Variants in DGKB observed in about 807,000 individuals in gnomAD.
DGKB encodes the protein 90 kDa diacylglycerol kinase.
DGKB carries 67 observed loss-of-function variants against 114.3 expected under a neutral mutation model. The ratio of observed to expected loss-of-function variants is 0.59; its 90% CI spans 0.48 to 0.72. The LOEUF is 0.72. Among genes scored for constraint, DGKB ranks in the 30% least tolerant of loss-of-function variants. The pLI, the probability that DGKB is intolerant of heterozygous loss-of-function variation, is 0.00. For missense variants in DGKB, 907 were observed against 975.2 expected, an observed-to-expected ratio of 0.93 and a Z score of 0.93; for synonymous variants, 398 against 323.1, an observed-to-expected ratio of 1.23 and a Z score of -2.49.
chr7:14,906,447 C>CTTTTTTTTTT (rs34250901), upstream of DGKB, among the ~76,000 whole-genome samples: 31 of 103,866 alleles, frequency 3.0e-4, no homozygotes, highest in Non-Finnish European at 4.9e-4. Flanking sequence ...TTTTTTCTGT[C>CTTTTTTTTTT]TTTTTTTTTT....
In DGKB at chr7:14,894,454, A is replaced by T. The variant is rs1377827442; in HGVS notation, c.-188+8138T>A. 1.3e-4 allele frequency among the ~76,000 whole-genome samples: 20 copies of T among 151,398 alleles called. No individual in the cohort carries two copies. In the East Asian group the frequency reaches 3.1e-3, roughly 23 times the overall value. On this transcript the variant is annotated intron_variant, in intron 1 of 25. Coordinates refer to ENST00000402815, the MANE Select transcript of DGKB (RefSeq NM_001350709.2). ...CTTTGAAACTTCTTAGTGGAGAAAAATTTTTTATCAATATGGCATTGCTAT... is the reference window on the plus strand; with the variant it reads ...CTTTGAAACTTCTTAGTGGAGAAAATTTTTTTATCAATATGGCATTGCTAT...
intron 6 of DGKB, among the ~76,000 whole-genome samples, chr7:14,716,896 G>T (rs1394579733): frequency 2.0e-5 from 3 of 151,834 alleles, no homozygotes; most frequent in African/African-American, 7.3e-5. Flanking sequence ...GATAATTCTG[G>T]GCCATAACAA....
intron 9 of DGKB, among the ~76,000 whole-genome samples, chr7:14,693,751 T>C (rs1370927221): frequency 6.6e-6 from 1 of 151,908 alleles, no homozygotes; most frequent in Non-Finnish European, 1.5e-5. Flanking sequence ...AATACAATAA[T>C]ACTGGAGAGC....
At chr7:14,773,123 A>G (rs941720911) in intron 2 of DGKB, among the ~76,000 whole-genome samples, 1 of 152,198 alleles carries the variant, frequency 6.6e-6, no homozygotes, top group African/African-American at 2.4e-5. Context: ...ACTTTACAAG[A>G]CAGCATCATT....
Position 14,719,338 on chromosome 7 carries a change from T to C in DGKB, c.323-653A>G, listed in dbSNP as rs376364627. Among the ~76,000 whole-genome samples, 20 of 152,328 alleles carry C rather than the reference T, an allele frequency of 1.3e-4. No individual in the cohort carries two copies. In the South Asian group the frequency reaches 3.7e-3, roughly 28 times the overall value. On this transcript the variant is annotated intron_variant, in intron 5 of 25. Coordinates refer to ENST00000402815, the MANE Select transcript of DGKB (RefSeq NM_001350709.2). The stretch of plus-strand genomic sequence containing the variant: ...CTGACTTTATTTCTGAAACCCATTA[T>C]CTGTGTCTGTTCTATCACAAGGATA...
intron 1 of DGKB, among the ~76,000 whole-genome samples, chr7:14,874,093 T>G (rs898847136): frequency 6.6e-6 from 1 of 152,092 alleles, no homozygotes; most frequent in African/African-American, 2.4e-5. Context: ...GTTTCTCCAG[T>G]TGAAGATGAA....
chr7:14,303,087 A>G (rs967840517), intron 23 of DGKB, among the ~76,000 whole-genome samples: 9 of 152,184 alleles, frequency 5.9e-5, no homozygotes, highest in Non-Finnish European at 8.8e-5. Context: ...ATTATCTTAG[A>G]CAAATTTTCA....
chr7:14,625,487 T>C (rs1808411349), intron 14 of DGKB, among the ~76,000 whole-genome samples: 1 of 150,540 alleles, frequency 6.6e-6, no homozygotes, highest in African/African-American at 2.4e-5. Context: ...ATGATATTTA[T>C]GAGAGTTAAT....
intron 1 of DGKB, among the ~76,000 whole-genome samples, chr7:14,964,851 T>C (rs1787060206): frequency 6.6e-6 from 1 of 152,174 alleles, no homozygotes; most frequent in Admixed American, 6.5e-5. Flanking sequence ...TTCAGGGTTA[T>C]ATTAGTTGCA....
At chr7:14,817,688 G>A (rs1844353625) in intron 2 of DGKB, among the ~76,000 whole-genome samples, 1 of 152,024 alleles carries the variant, frequency 6.6e-6, no homozygotes, top group African/African-American at 2.4e-5. Context: ...TTCTTGCCAG[G>A]GAAATGCATG....
intron 23 of DGKB, among the ~76,000 whole-genome samples, chr7:14,193,856 C>T (rs1255305623): frequency 6.6e-6 from 1 of 151,660 alleles, no homozygotes; most frequent in Non-Finnish European, 1.5e-5. Flanking sequence ...GAAAAAAACC[C>T]CCAAATACCT....
At chr7:14,313,948 C>T (rs1805946931) in intron 23 of DGKB, among the ~76,000 whole-genome samples, 1 of 152,226 alleles carries the variant, frequency 6.6e-6, no homozygotes, top group Non-Finnish European at 1.5e-5. Context: ...AACGGGCAGA[C>T]TGCCTCCTCA....
intron 4 of DGKB, among the ~76,000 whole-genome samples, chr7:14,753,274 G>A (rs923283495): frequency 2.0e-5 from 3 of 152,124 alleles, no homozygotes; most frequent in Admixed American, 6.6e-5. Flanking sequence ...CTACAGTGGC[G>A]AAGACAATTG....
intron 23 of DGKB, among the ~76,000 whole-genome samples, chr7:14,260,750 G>A (rs897466516): frequency 2.6e-5 from 4 of 152,094 alleles, no homozygotes; most frequent in South Asian, 2.1e-4. Context: ...AATACCGTGG[G>A]ATAATAGTAA....
intron 13 of DGKB, among the ~76,000 whole-genome samples, chr7:14,666,285 T>A (rs1163488905): frequency 6.6e-6 from 1 of 151,970 alleles, no homozygotes. Flanking sequence ...TCCCTTTCAA[T>A]GCAGGCTGAT....
chr7:14,177,315 C>T (rs767131754), intron 24 of DGKB, among the ~76,000 whole-genome samples: 3 of 151,890 alleles, frequency 2.0e-5, no homozygotes, highest in African/African-American at 4.8e-5. Context: ...TGCTACAATC[C>T]GTGGCTTCAC....
intron 13 of DGKB, among the ~76,000 whole-genome samples, chr7:14,670,331 C>T (rs981536784): frequency 6.6e-5 from 10 of 151,288 alleles, no homozygotes; most frequent in African/African-American, 2.4e-5. Context: ...GAGACAGAGT[C>T]TCACTCTGTC....
At chr7:14,533,502 A>ATATAATTATTTTTTATTT (rs1791930166) in intron 20 of DGKB, among the ~76,000 whole-genome samples, 8 of 151,954 alleles carry the variant, frequency 5.3e-5, no homozygotes, top group African/African-American at 1.9e-4. Context: ...TATTTTTAAA[A>ATATAATTATTTTTTATTT]GTTATTATTT....
intron 13 of DGKB, among the ~76,000 whole-genome samples, chr7:14,664,427 C>T (rs750166619): frequency 1.8e-4 from 27 of 151,936 alleles, no homozygotes; most frequent in Non-Finnish European, 3.7e-4. Context: ...TGTCTTTCTA[C>T]AACACAAAGT....
Sources: gnomAD v4.1 joint callset for allele counts (sites outside exome capture counted in the v4.1 genomes callset) on GRCh38, gnomAD v4.1.1 for gene constraint, MANE v1.5 for transcripts, NCBI Gene and HGNC (gene_info 2026-07-23, HGNC 2026-07-21) for gene names.